The following SKA2 variants were observed in gnomAD, a reference collection of about 807,000 sequenced individuals.
SKA2 encodes the protein spindle and kinetochore associated complex subunit 2, also known as spindle and kinetochore-associated protein 2.
Under a neutral mutation model 16.9 loss-of-function variants are expected in SKA2, and 13 were observed. That is an observed-to-expected ratio of 0.77 (90% CI 0.50 to 1.22). SKA2 has a LOEUF of 1.22. SKA2 is among the 50% of genes most tolerant of loss of function. The pLI is 0.00. For missense variants in SKA2, 107 were observed against 139.7 expected, an observed-to-expected ratio of 0.77 and a Z score of 1.18; for synonymous variants, 47 against 48.5, an observed-to-expected ratio of 0.97 and a Z score of 0.13.
At chr17:59,147,777 T>C (rs2147819899) in intron 1 of SKA2, among the ~76,000 whole-genome samples, 5 of 150,692 alleles carry the variant, frequency 3.3e-5, no homozygotes, top group Middle Eastern at 6.9e-3. Context: ...GCTCTATTTT[T>C]AAGAGCACTA....
intron 2 of SKA2, among the ~76,000 whole-genome samples, chr17:59,126,636 A>G (rs1430009252): frequency 1.3e-5 from 2 of 152,230 alleles, no homozygotes; most frequent in Non-Finnish European, 2.9e-5. Context: ...ATTCTCAACT[A>G]TAACACACGA....
chr17:59,133,485 T>C (rs1178037355), intron 1 of SKA2, among the ~76,000 whole-genome samples: 1 of 152,186 alleles, frequency 6.6e-6, no homozygotes, highest in East Asian at 1.9e-4. Flanking sequence ...GGTGCTGCTC[T>C]TATTATGAAC....
At chr17:59,118,951 C>T (rs11871610) in intron 3 of SKA2, among the ~76,000 whole-genome samples, 1 of 152,160 alleles carries the variant, frequency 6.6e-6, no homozygotes, top group Non-Finnish European at 1.5e-5. Flanking sequence ...GCAGACTACG[C>T]TATTTTCTGC....
chr17:59,120,215 G>A (rs958787779), intron 2 of SKA2, among the ~76,000 whole-genome samples: 13 of 148,882 alleles, frequency 8.7e-5, no homozygotes, highest in African/African-American at 3.0e-4. Flanking sequence ...GCCAAAATTC[G>A]TAAACATACT....
intron 2 of SKA2, 96 bp from the exon 3 acceptor site, chr17:59,119,591 A>G: frequency 9.0e-7 from 1 of 1,109,520 alleles, no homozygotes; most frequent in South Asian, 1.5e-5. Flanking sequence ...TCTACCATCC[A>G]TTTAATTGAA....
chr17:59,119,165 A>G, intron 3 of SKA2, 154 bp downstream of exon 3: 2 of 712,006 alleles, frequency 2.8e-6, no homozygotes, highest in East Asian at 5.5e-5. Context: ...ATAAACAGAA[A>G]TAAGAGCTAT....
In SKA2 at chr17:59,119,348, GT is replaced by G. The variant is rs2046317374; in HGVS notation, c.267del (p.Gln90LysfsTer14). ...AGGTCTGTTTGCTTCTGTAGTTTTT[GT>G]ATCATATTCATAGTCTTTTTCACAG... ...CATVKKTMNM[I>X]QKLQKQTDLE... On this transcript the variant is annotated frameshift_variant, in exon 3 of 4. Coordinates refer to ENST00000330137, the MANE Select transcript of SKA2 (RefSeq NM_182620.4). LOFTEE classifies it high-confidence loss of function. 2 of 1,613,768 alleles carry G rather than the reference GT, an allele frequency of 1.2e-6. No homozygotes were observed.
chr17:59,153,807 C>T (rs374292725), intron 1 of SKA2, among the ~76,000 whole-genome samples: 5 of 151,318 alleles, frequency 3.3e-5, no homozygotes, highest in African/African-American at 1.2e-4. Flanking sequence ...GACGTTGTCT[C>T]TGTCGCAAGG....
chr17:59,115,877 T>C (rs2046292928), intron 3 of SKA2, among the ~76,000 whole-genome samples: 2 of 152,358 alleles, frequency 1.3e-5, no homozygotes, highest in South Asian at 4.1e-4. Context: ...CAGTCTAAAG[T>C]TTGTAGAAAT....
chr17:59,124,792 A>G (rs2046359684), intron 2 of SKA2, among the ~76,000 whole-genome samples: 1 of 152,164 alleles, frequency 6.6e-6, no homozygotes, highest in Non-Finnish European at 1.5e-5. Flanking sequence ...TTTTTATGAC[A>G]TTAGCTCGAT....
intron 2 of SKA2, among the ~76,000 whole-genome samples, chr17:59,128,067 T>C (rs2046383663): frequency 6.7e-6 from 1 of 149,496 alleles, no homozygotes; most frequent in Non-Finnish European, 1.5e-5. Context: ...AATACAAAAA[T>C]CAGCTGGTGT....
At chr17:59,113,312 A>C (rs920115411) in intron 3 of SKA2, among the ~76,000 whole-genome samples, 8 of 151,912 alleles carry the variant, frequency 5.3e-5, no homozygotes, top group Non-Finnish European at 1.0e-4. Flanking sequence ...ACTTGAGGTC[A>C]GGAGTTTGAG....
chr17:59,131,420 A>G lies in SKA2; in HGVS notation c.34-53T>C. 8 of 1,161,718 alleles carry G rather than the reference A, an allele frequency of 6.9e-6. No individual in the cohort carries two copies. The South Asian group carries it at 1.5e-4, about 22-fold the overall frequency. The allele number at this position is 1,161,718 out of a possible 1,614,324, so 72.0% of individuals were successfully genotyped here. A position where few individuals can be genotyped will look rare whatever the true frequency, so the allele number is the denominator to read the frequency against. On this transcript the variant is annotated intron_variant, in intron 1 of 3. Transcript: ENST00000330137. Reference sequence around the variant, plus strand: ...GTAAACCAAAAGACTAATAGTAAACATGATACTTTATTCTTTTTTTCTCTT... The same window carrying G: ...GTAAACCAAAAGACTAATAGTAAACGTGATACTTTATTCTTTTTTTCTCTT...
chr17:59,142,680 A>T (rs1428425759), intron 1 of SKA2, among the ~76,000 whole-genome samples: 1 of 151,288 alleles, frequency 6.6e-6, no homozygotes, highest in Admixed American at 6.6e-5. Context: ...TAATCCCAGC[A>T]CTCTGGGAAG....
At position 59,110,121 on chromosome 17, in the gene SKA2, G is replaced by A. The variant is rs182874831; in HGVS notation, c.*2156C>T. 3 of 152,210 alleles carry A rather than the reference G, an allele frequency of 2.0e-5. No homozygotes were observed. The highest frequency in any genetic ancestry group is 4.8e-5 in the African/African-American group (2 of 41,538). The allele number at this position is 152,210 out of a possible 1,614,324, so 9.4% of individuals were successfully genotyped here. A position where few individuals can be genotyped will look rare whatever the true frequency, so the allele number is the denominator to read the frequency against. ...AGGTAGGGGATTTTATTGGAAATAC[G>A]GATCTAGAGCTAGTGGAAGAAGTTA... On this transcript the variant is annotated 3_prime_UTR_variant, in exon 4 of 4. Coordinates refer to ENST00000330137, the MANE Select transcript of SKA2 (RefSeq NM_182620.4).
At chr17:59,122,861 G>T (rs985502870) in intron 2 of SKA2, among the ~76,000 whole-genome samples, 11 of 151,664 alleles carry the variant, frequency 7.3e-5, no homozygotes, top group Non-Finnish European at 1.2e-4. Flanking sequence ...GACCTCAGGT[G>T]ATCTGCCTAC....
chr17:59,135,990 G>A (rs1048025128), intron 1 of SKA2, among the ~76,000 whole-genome samples: 2 of 151,518 alleles, frequency 1.3e-5, no homozygotes, highest in African/African-American at 4.8e-5. Context: ...AGGCTGCAGT[G>A]TATTATAATC....
chr17:59,154,984 C>T, intron 1 of SKA2, 147 bp downstream of exon 1: 1 of 1,613,992 alleles, frequency 6.2e-7, no homozygotes, highest in Non-Finnish European at 8.5e-7. Context: ...CAGACGGTGG[C>T]GGCTCCCTTT....
chr17:59,141,180 C>T (rs1206819921), intron 1 of SKA2, among the ~76,000 whole-genome samples: 5 of 151,778 alleles, frequency 3.3e-5, no homozygotes, highest in African/African-American at 9.7e-5. Flanking sequence ...GGGTGAATCA[C>T]GAGGTCAAGA....
Sources: gnomAD v4.1 joint callset for allele counts (sites outside exome capture counted in the v4.1 genomes callset) on GRCh38, gnomAD v4.1.1 for gene constraint, MANE v1.5 for transcripts, NCBI Gene and HGNC (gene_info 2026-07-23, HGNC 2026-07-21) for gene names.